The following NAV3 variants were observed in gnomAD, a reference collection of about 807,000 sequenced individuals.
The protein encoded by NAV3 is pore membrane and/or filament interacting like protein 1.
In NAV3, 87 loss-of-function variants were observed where a neutral mutation model predicts 244.7. The observed-to-expected ratio is 0.36, with a 90% confidence interval of 0.30 to 0.42. The LOEUF (loss-of-function observed/expected upper bound fraction) is 0.42, where lower values mean the gene tolerates loss of function less well. Ranked by LOEUF, NAV3 falls within the 20% of genes least tolerant of loss-of-function variation. The pLI is 1.00. For synonymous variants in NAV3, 1,126 were observed against 1,042.2 expected (o/e 1.08, Z -1.55); for missense variants, 2,663 against 2,893.3 (o/e 0.92, Z 1.83).
intron 3 of NAV3, among the ~76,000 whole-genome samples, chr12:77,950,020 G>A (rs1305100846): frequency 6.6e-6 from 1 of 152,012 alleles, no homozygotes; most frequent in African/African-American, 2.4e-5. Context: ...GTGCTGAATA[G>A]CATTCCATTG....
chr12:78,181,032 G>A lies in NAV3; in HGVS notation c.5679G>A (p.Glu1893=), dbSNP rs1238057371. The A allele has an allele frequency of 1.2e-5, 20 of 1,612,722 alleles. No individual in the cohort carries two copies. The highest frequency in any genetic ancestry group is 1.6e-5 in the Non-Finnish European group (19 of 1,179,222). Residue 1893 remains glutamate (E), a synonymous_variant, in exon 30 of 40, where the codon GAG becomes GAA. Transcript: ENST00000397909. The part of the protein sequence containing the change: ...GLSLNNLNIT[E]AVSSDILLDD... The stretch of plus-strand genomic sequence containing the variant: ...CTCTAAACAATTTGAACATCACAGA[G>A]GCTGTTAGCTCAGGTGATTTAGTGC...
Position 77,831,613 on chromosome 12 carries a change from T to G in NAV3, c.152T>G (p.Met51Arg), listed in dbSNP as rs1873706127. The change falls in exon 1 of 40, where the codon ATG (methionine) becomes AGG (arginine). Residue 51 changes from methionine to arginine, a missense_variant. Coordinates refer to ENST00000397909, the MANE Select transcript of NAV3 (RefSeq NM_001024383.2). Reference protein sequence around the residue: ...PLELTETESSMLSCQLALKST... With the variant: ...PLELTETESSRLSCQLALKST... ...GAACTTACTGAAACAGAGAGCTCCATGCTTTCTTGTCAGCTTGCGTTAAAA... is the reference window on the plus strand; with the variant it reads ...GAACTTACTGAAACAGAGAGCTCCAGGCTTTCTTGTCAGCTTGCGTTAAAA... The G allele has an allele frequency of 1.2e-6, 2 of 1,613,960 alleles. No homozygotes were observed. The highest frequency in any genetic ancestry group is 2.2e-5 in the East Asian group (1 of 44,868).
rs1161200459 is a variant in NAV3, at chr12:78,118,211, A to T, written c.2954A>T (p.Gln985Leu). 6.2e-7 allele frequency: 1 copy of T among 1,614,014 alleles called. No individual in the cohort carries two copies. The highest frequency in any genetic ancestry group is 2.2e-5 in the East Asian group (1 of 44,840). ...CAGAAAGCTTCCCTGTCTGTTTCACAGACAGGTTCCTGGAGAAGAGGCATG... is the reference window on the plus strand; with the variant it reads ...CAGAAAGCTTCCCTGTCTGTTTCACTGACAGGTTCCTGGAGAAGAGGCATG... The part of the protein sequence containing the change: ...AGQKASLSVS[Q>L]TGSWRRGMSA... Residue 985 changes from glutamine (Q) to leucine (L), a missense_variant, in exon 14 of 40, where the codon CAG becomes CTG. Gln to Leu is a moderately radical substitution (Grantham distance 113, BLOSUM62 -2). This residue lies in a region of NAV3 where 1,521 missense variants were observed against 1,497.0 expected (regional missense o/e 1.02). Transcript: ENST00000397909.
At chr12:78,107,819 C>T (rs1954881880) in intron 12 of NAV3, among the ~76,000 whole-genome samples, 1 of 151,980 alleles carries the variant, frequency 6.6e-6, no homozygotes, top group Non-Finnish European at 1.5e-5. Context: ...ATAAAACTCC[C>T]TGGTAAGCAA....
chr12:77,988,858 T>C (rs1377627213), intron 5 of NAV3, among the ~76,000 whole-genome samples: 2 of 152,160 alleles, frequency 1.3e-5, no homozygotes, highest in East Asian at 1.9e-4. Flanking sequence ...GTTACTAATA[T>C]GTTATAAACT....
upstream of NAV3, among the ~76,000 whole-genome samples, chr12:77,829,831 G>C (rs1217385006): frequency 6.6e-6 from 1 of 152,086 alleles, no homozygotes; most frequent in Non-Finnish European, 1.5e-5. Flanking sequence ...GTGATTTAAA[G>C]ACCTGGAAAC....
At chr12:77,589,478 A>G (rs1048398957) in intron 2 of NAV3, among the ~76,000 whole-genome samples, 34 of 152,186 alleles carry the variant, frequency 2.2e-4, no homozygotes, top group African/African-American at 7.2e-4. Context: ...TTGACCTACA[A>G]TTCAACAGGG....
chr12:77,830,019 G>A (rs1428496818), upstream of NAV3, among the ~76,000 whole-genome samples: 3 of 152,090 alleles, frequency 2.0e-5, no homozygotes, highest in African/African-American at 4.8e-5. Flanking sequence ...ATTGCTCTCT[G>A]TATCCATTTT....
At chr12:77,772,815 C>T (rs1007436326) in intron 2 of NAV3, among the ~76,000 whole-genome samples, 3 of 152,116 alleles carry the variant, frequency 2.0e-5, no homozygotes, top group Admixed American at 2.0e-4. Context: ...GCTTTTGGGA[C>T]ATGTATGTTA....
At chr12:77,999,660 CA>C (rs1268213003) in intron 7 of NAV3, among the ~76,000 whole-genome samples, 2 of 151,782 alleles carry the variant, frequency 1.3e-5, no homozygotes, top group African/African-American at 2.4e-5. Context: ...AAATGAAAAA[CA>C]AAAGTGTATA....
intron 34 of NAV3, among the ~76,000 whole-genome samples, chr12:78,194,531 T>C (rs1444858975): frequency 6.6e-6 from 1 of 152,080 alleles, no homozygotes; most frequent in Non-Finnish European, 1.5e-5. Context: ...CCTTAGTATC[T>C]CTAGGCTTCA....
chr12:77,752,640 A>G (rs1330857337), intron 2 of NAV3, among the ~76,000 whole-genome samples: 2 of 152,120 alleles, frequency 1.3e-5, no homozygotes, highest in African/African-American at 4.8e-5. Context: ...CCTACCACTC[A>G]TATGTCTAGG....
At chr12:77,676,003 C>T (rs1324602738) in intron 2 of NAV3, among the ~76,000 whole-genome samples, 1 of 152,134 alleles carries the variant, frequency 6.6e-6, no homozygotes, top group Non-Finnish European at 1.5e-5. Context: ...TTCCACAGTT[C>T]CTCACCCACC....
At chr12:77,759,820 T>C (rs117623775) in intron 2 of NAV3, among the ~76,000 whole-genome samples, 1 of 152,304 alleles carries the variant, frequency 6.6e-6, no homozygotes, top group Non-Finnish European at 1.5e-5. Flanking sequence ...AACTAATGAC[T>C]TTTTCCTAGT....
At chr12:78,142,325 C>G (rs1267052869) in intron 20 of NAV3, among the ~76,000 whole-genome samples, 3 of 152,052 alleles carry the variant, frequency 2.0e-5, no homozygotes, top group Non-Finnish European at 4.4e-5. Flanking sequence ...GATTACTAGT[C>G]TACCAGTGTC....
At chr12:77,901,816 G>A (rs1475257300) in intron 1 of NAV3, among the ~76,000 whole-genome samples, 15 of 152,162 alleles carry the variant, frequency 9.9e-5, no homozygotes, top group Non-Finnish European at 7.4e-5. Flanking sequence ...GCTCCTCAAA[G>A]AGGAGGCATC....
chr12:77,797,624 C>G (rs1871486612), intron 2 of NAV3, among the ~76,000 whole-genome samples: 1 of 145,372 alleles, frequency 6.9e-6, no homozygotes, highest in African/African-American at 2.6e-5. Context: ...GGGCGGATCA[C>G]AAGGTCAGCA....
At chr12:78,101,494 G>A (rs1022132250) in intron 12 of NAV3, among the ~76,000 whole-genome samples, 3 of 152,058 alleles carry the variant, frequency 2.0e-5, no homozygotes, top group African/African-American at 4.8e-5. Flanking sequence ...TTTGTAGGTC[G>A]AGAGTAAGGT....
At chr12:77,809,392 C>G (rs1331647361) in intron 2 of NAV3, among the ~76,000 whole-genome samples, 1 of 152,194 alleles carries the variant, frequency 6.6e-6, no homozygotes, top group Non-Finnish European at 1.5e-5. Flanking sequence ...CCTCACAGCA[C>G]AGTCCCTCAT....
Sources: allele counts gnomAD v4.1 joint callset (sites outside exome capture counted in the v4.1 genomes callset), GRCh38; gene constraint gnomAD v4.1.1; regional missense constraint gnomAD v4.1.1; transcripts MANE v1.5; gene names NCBI Gene and HGNC (gene_info 2026-07-23, HGNC 2026-07-21).